CRTAC1: variants seen among roughly 807,000 people sequenced by gnomAD.
The protein encoded by CRTAC1 is acidic secreted protein in cartilage.
Under a neutral mutation model 67.8 loss-of-function variants are expected in CRTAC1, and 37 were observed. That is an observed-to-expected ratio of 0.55 (90% CI 0.42 to 0.72). The LOEUF (loss-of-function observed/expected upper bound fraction) is 0.72. Ranked by LOEUF, CRTAC1 falls within the 30% of genes least tolerant of loss-of-function variation. CRTAC1 has a pLI of 0.00. For missense variants in CRTAC1, 780 were observed against 931.6 expected, an observed-to-expected ratio of 0.84 and a Z score of 2.12; for synonymous variants, 348 against 371.0, an observed-to-expected ratio of 0.94 and a Z score of 0.71.
intron 1 of CRTAC1, among the ~76,000 whole-genome samples, chr10:98,012,462 G>GCAGGC (rs1403094524): frequency 6.6e-6 from 1 of 152,346 alleles, no homozygotes; most frequent in East Asian, 1.9e-4. Flanking sequence ...TCTAGTCCCA[G>GCAGGC]CAGGCAAAGC....
At chr10:98,005,100 A>ATATATATTTTT in intron 2 of CRTAC1, among the ~76,000 whole-genome samples, 1 of 48,926 alleles carries the variant, frequency 2.0e-5, no homozygotes, top group African/African-American at 1.2e-4. Flanking sequence ...ATATATATAT[A>ATATATATTTTT]TTTTTTTTTT....
chr10:97,952,821 T>C (rs2051379620), intron 2 of CRTAC1, among the ~76,000 whole-genome samples: 1 of 152,256 alleles, frequency 6.6e-6, no homozygotes, highest in Admixed American at 6.5e-5. Flanking sequence ...GTTGAACATG[T>C]AGAGAACAAG....
chr10:97,910,798 C>T (rs547790356), intron 5 of CRTAC1, among the ~76,000 whole-genome samples: 4 of 152,236 alleles, frequency 2.6e-5, no homozygotes, highest in South Asian at 4.1e-4. Flanking sequence ...TGAGGTGGGG[C>T]GATGGCACTG....
At chr10:97,954,692 G>A (rs778884999) in intron 2 of CRTAC1, among the ~76,000 whole-genome samples, 15 of 152,170 alleles carry the variant, frequency 9.9e-5, no homozygotes, top group East Asian at 1.9e-4. Context: ...TAGGGCTGCC[G>A]TAACAAAGTG....
intron 8 of CRTAC1, among the ~76,000 whole-genome samples, chr10:97,899,342 G>C (rs1304476769): frequency 6.6e-6 from 1 of 152,190 alleles, no homozygotes; most frequent in Admixed American, 6.5e-5. Flanking sequence ...TCTGTCCATT[G>C]ACAGCTCTGG....
intron 11 of CRTAC1, among the ~76,000 whole-genome samples, chr10:97,885,901 A>G (rs1419010500): frequency 5.9e-5 from 9 of 152,268 alleles, no homozygotes; most frequent in Admixed American, 5.9e-4. Flanking sequence ...ATATGTAGAT[A>G]CTGTTAGAAA....
rs113434619 is a variant in CRTAC1 at position 97,983,604 on chromosome 10, C to T, written c.224+27534G>A. ...TGAGAGCTTCATTCTTCCTTTGTTTCTCTATCAAAAGACACATCAAGAACT... is the reference window on the plus strand; with the variant it reads ...TGAGAGCTTCATTCTTCCTTTGTTTTTCTATCAAAAGACACATCAAGAACT... On this transcript the variant is annotated intron_variant, in intron 2 of 14. Transcript: ENST00000370597. 2.0e-5 allele frequency among the ~76,000 whole-genome samples: 3 copies of T among 152,308 alleles called. 1 individual carries two copies. Among genetic ancestry groups the T allele is most frequent in the African/African-American group, 7.2e-5 (3 of 41,560 alleles).
chr10:98,010,126 G>A (rs1040497478), intron 2 of CRTAC1, among the ~76,000 whole-genome samples: 9 of 150,740 alleles, frequency 6.0e-5, no homozygotes, highest in South Asian at 2.1e-4. Flanking sequence ...TGCAACCTCC[G>A]CCTCCTGGGT....
intron 14 of CRTAC1, among the ~76,000 whole-genome samples, chr10:97,873,894 T>C (rs900136900): frequency 6.6e-6 from 1 of 152,202 alleles, no homozygotes; most frequent in African/African-American, 2.4e-5. Flanking sequence ...GGGACCCCCA[T>C]TCAGATCTGT....
intron 7 of CRTAC1, among the ~76,000 whole-genome samples, chr10:97,902,118 T>C (rs2050549894): frequency 6.6e-6 from 1 of 152,232 alleles, no homozygotes; most frequent in Non-Finnish European, 1.5e-5. Flanking sequence ...CGGAAATCTC[T>C]GTGCATCTAA....
intron 4 of CRTAC1, 151 bp from the exon 5 acceptor site, chr10:97,917,807 G>A (rs1219463867): frequency 3.3e-5 from 16 of 490,606 alleles, no homozygotes; most frequent in Non-Finnish European, 5.1e-5. Flanking sequence ...GGCTGTGCAT[G>A]GCGCATTTCC....
At chr10:97,912,094 C>T (rs887028489) in intron 5 of CRTAC1, among the ~76,000 whole-genome samples, 2 of 152,070 alleles carry the variant, frequency 1.3e-5, no homozygotes, top group African/African-American at 4.8e-5. Flanking sequence ...GTTTTCTCAG[C>T]TAGAACATAA....
rs58025510 is a variant in CRTAC1 at position 97,919,906 on chromosome 10, AT to A, written c.559-2251del. On this transcript the variant is annotated intron_variant, in intron 4 of 14. Transcript: ENST00000370597. ...AGGTGTGCCCCACCACACCCAGCTA[AT>A]TTTTTTTTTTGTTTGTTTGTTTGTA... is the stretch of plus-strand genomic sequence containing the variant. Among the ~76,000 whole-genome samples, 731 of 139,750 alleles carry A rather than the reference AT, an allele frequency of 5.2e-3. 10 individuals are homozygous for A. The highest frequency in any genetic ancestry group is 0.018 in the African/African-American group (630 of 35,356). The allele number at this position is 139,750 out of a possible 152,430, so 91.7% of individuals were successfully genotyped here.
At chr10:97,979,227 C>T (rs1372706294) in intron 2 of CRTAC1, among the ~76,000 whole-genome samples, 2 of 152,154 alleles carry the variant, frequency 1.3e-5, no homozygotes, top group Admixed American at 6.6e-5. Flanking sequence ...ACTGCTAAAG[C>T]GTGGTCCTTG....
chr10:98,000,787 T>C (rs1391420706), intron 2 of CRTAC1, among the ~76,000 whole-genome samples: 2 of 152,166 alleles, frequency 1.3e-5, no homozygotes, highest in Non-Finnish European at 2.9e-5. Flanking sequence ...GAGAAAATCA[T>C]TGAAAACATG....
intron 2 of CRTAC1, among the ~76,000 whole-genome samples, chr10:97,956,573 G>GCAAAA (rs1291275251): frequency 6.8e-6 from 1 of 146,024 alleles, no homozygotes. Context: ...ATTAAGCAAA[G>GCAAAA]CAAAACAAAA....
Position 97,980,413 on chromosome 10 carries a change from C to T in CRTAC1, c.224+30725G>A, listed in dbSNP as rs2051873705. Among the ~76,000 whole-genome samples, 4 of 152,322 alleles carry T rather than the reference C, an allele frequency of 2.6e-5. No individual in the cohort carries two copies. The South Asian group carries it at 8.3e-4, about 32-fold the overall frequency. On this transcript the variant is annotated intron_variant, in intron 2 of 14. Transcript: ENST00000370597. Reference sequence around the variant, plus strand: ...ACAGTTTGCTTCTAAGCCTCCAAAACCTCTAATACTATATTATACACTCCA... The same window carrying T: ...ACAGTTTGCTTCTAAGCCTCCAAAATCTCTAATACTATATTATACACTCCA...
At chr10:98,015,588 T>G (rs1317302548) in intron 1 of CRTAC1, among the ~76,000 whole-genome samples, 1 of 152,230 alleles carries the variant, frequency 6.6e-6, no homozygotes, top group Non-Finnish European at 1.5e-5. Context: ...TGGCACAGTA[T>G]ATGTAGCAAG....
intron 3 of CRTAC1, among the ~76,000 whole-genome samples, chr10:97,931,801 G>A (rs533980377): frequency 6.6e-6 from 1 of 152,354 alleles, no homozygotes; most frequent in South Asian, 2.1e-4. Context: ...GGGCTATTCA[G>A]TGAAGCAGCT....
Sources: gnomAD v4.1 joint callset for allele counts (sites outside exome capture counted in the v4.1 genomes callset) on GRCh38, gnomAD v4.1.1 for gene constraint, MANE v1.5 for transcripts, NCBI Gene and HGNC (gene_info 2026-07-23, HGNC 2026-07-21) for gene names.